MECOM: variants seen among roughly 807,000 people sequenced by gnomAD.
MECOM encodes MDS1 and EVI1 complex locus, also known as histone-lysine N-methyltransferase MECOM.
Under a neutral mutation model 116.3 loss-of-function variants are expected in MECOM, and 13 were observed. The observed-to-expected ratio is 0.11, with a 90% CI of 0.07 to 0.18. The LOEUF is 0.18. MECOM is among the 10% of genes least tolerant of loss of function. The pLI, the probability that MECOM is intolerant of heterozygous loss-of-function variation, is 1.00. For synonymous variants in MECOM, 528 were observed against 535.2 expected (o/e 0.99, Z 0.19); for missense variants, 1,299 against 1,509.0 (o/e 0.86, Z 2.31).
chr3:169,338,941 T>A (rs1162190398), intron 2 of MECOM, among the ~76,000 whole-genome samples: 1 of 152,148 alleles, frequency 6.6e-6, no homozygotes, highest in Non-Finnish European at 1.5e-5. Context: ...AGTAAAAATT[T>A]GGAACCACAT....
In MECOM at chr3:169,432,911, C is replaced by T. The variant is rs190139062; in HGVS notation, c.38-51387G>A. On this transcript the variant is annotated intron_variant, in intron 1 of 16. Transcript: ENST00000651503. The stretch of plus-strand genomic sequence containing the variant: ...TCTCAGGCTTAATTAAATAAAGACC[C>T]GTGTAAATTCTAACTGTTTACTATG... 3.9e-5 allele frequency among the ~76,000 whole-genome samples: 6 copies of T among 152,262 alleles called. No homozygotes were observed. In the East Asian group the frequency reaches 5.8e-4, roughly 15 times the overall value.
intron 1 of MECOM, among the ~76,000 whole-genome samples, chr3:169,600,820 T>C (rs1483168997): frequency 6.6e-6 from 1 of 152,216 alleles, no homozygotes; most frequent in Non-Finnish European, 1.5e-5. Flanking sequence ...CAAGACACAA[T>C]GGCTAAATGT....
At chr3:169,363,366 G>A (rs73038603) in intron 2 of MECOM, among the ~76,000 whole-genome samples, 6,344 of 152,000 alleles carry the variant, frequency 0.042, 458 homozygotes, top group African/African-American at 0.14. Flanking sequence ...TTGTCAGATT[G>A]ATATAATTTC....
intron 9 of MECOM, among the ~76,000 whole-genome samples, chr3:169,109,746 A>T (rs1726713714): frequency 6.6e-6 from 1 of 152,164 alleles, no homozygotes; most frequent in South Asian, 2.1e-4. Context: ...GAATTTTTAA[A>T]ATACGTATTA....
chr3:169,437,408 CT>C (rs34000831), intron 1 of MECOM, among the ~76,000 whole-genome samples: 3 of 152,102 alleles, frequency 2.0e-5, no homozygotes, highest in Non-Finnish European at 4.4e-5. Context: ...CAAATATTAA[CT>C]TTTTTGCAAT....
rs557912780 is a variant in MECOM, at chr3:169,217,164, A to C, written c.376-73332T>G. On this transcript the variant is annotated intron_variant, in intron 2 of 16. Coordinates refer to ENST00000651503, the MANE Select transcript of MECOM (RefSeq NM_004991.4). ...AGAATGATCTGGATTTTGGCACCTG[A>C]GTAAACATGACTACATGGGTTTGTA... Among the ~76,000 whole-genome samples the C allele has an allele frequency of 3.3e-5, 5 of 152,364 alleles. No individual in the cohort carries two copies. In the South Asian group the frequency reaches 1.0e-3, roughly 32 times the overall value.
chr3:169,573,943 T>C (rs1764210684), intron 1 of MECOM, among the ~76,000 whole-genome samples: 1 of 152,092 alleles, frequency 6.6e-6, no homozygotes, highest in African/African-American at 2.4e-5. Context: ...GATGTGCATA[T>C]GGCCATTAAT....
chr3:169,277,061 C>T (rs1235967776), intron 2 of MECOM, among the ~76,000 whole-genome samples: 1 of 151,270 alleles, frequency 6.6e-6, no homozygotes, highest in African/African-American at 2.4e-5. Flanking sequence ...TCTAGGAGTA[C>T]CAGGATTTCA....
chr3:169,296,786 T>C (rs1016245020), intron 2 of MECOM, among the ~76,000 whole-genome samples: 1 of 152,228 alleles, frequency 6.6e-6, no homozygotes, highest in Non-Finnish European at 1.5e-5. Context: ...ATGCTTCTCA[T>C]ACTCGTAAAC....
Position 169,550,868 on chromosome 3 carries a change from G to A in MECOM, c.37+112468C>T, listed in dbSNP as rs945105644. ...AGACGGAGTCTCGCTCTGTCGCCCA[G>A]GCTGGAGTGCAGTGGCGGGATCTCG... On this transcript the variant is annotated intron_variant, in intron 1 of 16. Coordinates refer to ENST00000651503, the MANE Select transcript of MECOM (RefSeq NM_004991.4). Among the ~76,000 whole-genome samples the A allele has an allele frequency of 6.2e-4, 54 of 87,398 alleles. 1 individual carries two copies. Among genetic ancestry groups the A allele is most frequent in the African/African-American group, 1.8e-3 (51 of 28,218 alleles). The allele number at this position is 87,398 out of a possible 152,430, so 57.3% of individuals were successfully genotyped here. A position where few individuals can be genotyped will look rare whatever the true frequency, so the allele number is the denominator to read the frequency against.
At chr3:169,648,243 G>A (rs538998590) in intron 1 of MECOM, among the ~76,000 whole-genome samples, 1 of 152,194 alleles carries the variant, frequency 6.6e-6, no homozygotes, top group African/African-American at 2.4e-5. Flanking sequence ...AGGTATCAGA[G>A]TATTTTGTCT....
chr3:169,446,159 A>T (rs1256656021), intron 1 of MECOM, among the ~76,000 whole-genome samples: 1 of 152,158 alleles, frequency 6.6e-6, no homozygotes, highest in Non-Finnish European at 1.5e-5. Context: ...AAATGTGAGG[A>T]CATGAGATTT....
At chr3:169,251,038 T>C (rs570957848) in intron 2 of MECOM, among the ~76,000 whole-genome samples, 21 of 152,200 alleles carry the variant, frequency 1.4e-4, no homozygotes, top group Non-Finnish European at 1.2e-4. Flanking sequence ...GTGTCTGAAT[T>C]TTCTTCATCA....
At chr3:169,574,602 G>C (rs1764270397) in intron 1 of MECOM, among the ~76,000 whole-genome samples, 1 of 152,170 alleles carries the variant, frequency 6.6e-6, no homozygotes, top group African/African-American at 2.4e-5. Context: ...CGGTACTTTA[G>C]AGCAAAACCG....
chr3:169,602,096 T>A (rs1210635697), intron 1 of MECOM, among the ~76,000 whole-genome samples: 7 of 152,320 alleles, frequency 4.6e-5, no homozygotes, highest in Middle Eastern at 3.4e-3. Context: ...TCTTGATCAA[T>A]AAACACACAA....
intron 1 of MECOM, among the ~76,000 whole-genome samples, chr3:169,621,083 C>T (rs776613947): frequency 4.6e-5 from 7 of 152,132 alleles, no homozygotes; most frequent in Non-Finnish European, 7.3e-5. Flanking sequence ...CTTAGAAAGC[C>T]TAAGATGTCT....
intron 2 of MECOM, among the ~76,000 whole-genome samples, chr3:169,216,842 T>C (rs1407492630): frequency 6.6e-6 from 1 of 152,072 alleles, no homozygotes; most frequent in East Asian, 1.9e-4. Flanking sequence ...ACAGTGTTTA[T>C]CTGTAAAACA....
Position 169,420,032 on chromosome 3 carries a change from A to C in MECOM, c.38-38508T>G, listed in dbSNP as rs1465585378. On this transcript the variant is annotated intron_variant, in intron 1 of 16. Transcript: ENST00000651503. The stretch of plus-strand genomic sequence containing the variant: ...AAAGCTCATCATCACTGGTCATTAG[A>C]GAAATGCAAATCAAAACCATAATTA... Among the ~76,000 whole-genome samples, 10 of 152,238 alleles carry C rather than the reference A, an allele frequency of 6.6e-5. No individual in the cohort carries two copies. In the East Asian group the frequency reaches 1.9e-3, roughly 29 times the overall value.
At chr3:169,660,103 C>G (rs907129340) in intron 1 of MECOM, among the ~76,000 whole-genome samples, 2 of 152,060 alleles carry the variant, frequency 1.3e-5, no homozygotes, top group African/African-American at 2.4e-5. Flanking sequence ...CTGCGCAGAC[C>G]CAACCTGCAC....
Sources: gnomAD v4.1 joint callset for allele counts (sites outside exome capture counted in the v4.1 genomes callset) on GRCh38, gnomAD v4.1.1 for gene constraint, MANE v1.5 for transcripts, NCBI Gene and HGNC (gene_info 2026-07-23, HGNC 2026-07-21) for gene names.